NRG1: variants seen among roughly 807,000 people sequenced by gnomAD.
NRG1 encodes the protein neuregulin 1.
Under a neutral mutation model 63.8 loss-of-function variants are expected in NRG1, and 18 were observed. That is an observed-to-expected ratio of 0.28 (90% CI 0.19 to 0.42). NRG1 has a LOEUF of 0.42. Among genes scored for constraint, NRG1 ranks in the 10% least tolerant of loss-of-function variants. NRG1 has a pLI of 1.00. For missense variants in NRG1, 762 were observed against 814.7 expected (o/e 0.94, Z 0.79); for synonymous variants, 302 against 301.3 (o/e 1.00, Z -0.02).
intron 1 of NRG1, among the ~76,000 whole-genome samples, chr8:31,769,055 A>T (rs1818357666): frequency 6.6e-6 from 1 of 152,214 alleles, no homozygotes; most frequent in Non-Finnish European, 1.5e-5. Flanking sequence ...GCAGGAGAGA[A>T]CATGTACTCC....
At chr8:32,028,278 GA>G (rs1289149831) in intron 1 of NRG1, among the ~76,000 whole-genome samples, 1 of 152,094 alleles carries the variant, frequency 6.6e-6, no homozygotes, top group Non-Finnish European at 1.5e-5. Flanking sequence ...AACTTTAGGG[GA>G]CTAGGACTGT....
intron 2 of NRG1, among the ~76,000 whole-genome samples, chr8:32,605,165 T>C (rs1845056305): frequency 6.6e-6 from 1 of 152,200 alleles, no homozygotes; most frequent in Admixed American, 6.5e-5. Context: ...AGGAAATGAT[T>C]TTATACATTT....
At chr8:32,047,509 A>G (rs1821199130) in intron 1 of NRG1, among the ~76,000 whole-genome samples, 1 of 152,046 alleles carries the variant, frequency 6.6e-6, no homozygotes, top group African/African-American at 2.4e-5. Context: ...CAATTATACC[A>G]TGATGGATTA....
Position 32,117,128 on chromosome 8 carries a change from C to T in NRG1, c.37+477697C>T, listed in dbSNP as rs117266054. On this transcript the variant is annotated intron_variant, in intron 1 of 10. Transcript: ENST00000519301. ...TTGCACTCCAGCCTAGGCAACAGAG[C>T]GAGACACTGTCTCAAAAGACACACA... Among the ~76,000 whole-genome samples the T allele has an allele frequency of 3.9e-5, 6 of 151,956 alleles. No individual in the cohort carries two copies. The East Asian group carries it at 7.8e-4, about 20-fold the overall frequency.
intron 1 of NRG1, among the ~76,000 whole-genome samples, chr8:31,984,839 A>G (rs1809775971): frequency 6.6e-6 from 1 of 152,122 alleles, no homozygotes; most frequent in African/African-American, 2.4e-5. Flanking sequence ...AGCACATCAT[A>G]TGTTTATTTA....
chr8:32,644,595 T>C (rs1310399600), intron 5 of NRG1, among the ~76,000 whole-genome samples: 1 of 152,208 alleles, frequency 6.6e-6, no homozygotes, highest in Non-Finnish European at 1.5e-5. Context: ...TGTCTGCAGA[T>C]TAGTCTTAGC....
At chr8:32,322,862 G>GTTTT (rs5890637) in intron 1 of NRG1, among the ~76,000 whole-genome samples, 1 of 146,962 alleles carries the variant, frequency 6.8e-6, no homozygotes, top group South Asian at 2.1e-4. Context: ...AATTCTCTGG[G>GTTTT]TTTTTTTTTT....
At chr8:32,623,639 G>A (rs1434900943) in intron 5 of NRG1, among the ~76,000 whole-genome samples, 2 of 152,310 alleles carry the variant, frequency 1.3e-5, no homozygotes, top group Non-Finnish European at 2.9e-5. Flanking sequence ...GGATACTAGA[G>A]TGACTTGGTG....
At chr8:32,299,253 A>T in intron 1 of NRG1, among the ~76,000 whole-genome samples, 1 of 152,102 alleles carries the variant, frequency 6.6e-6, no homozygotes, top group East Asian at 1.9e-4. Context: ...TGTTTCCCTA[A>T]GAATTACCAA....
In NRG1 at chr8:32,156,092, T is replaced by G. The variant is rs554694638; in HGVS notation, c.38-439736T>G. ...CGATTCCAGAACAAAACTTACATGG[T>G]AGGCAGCTCCTGGCCCTTGACTGTG... On this transcript the variant is annotated intron_variant, in intron 1 of 10. Coordinates refer to the NRG1 transcript ENST00000519301. Among the ~76,000 whole-genome samples, 3 of 152,342 alleles carry G rather than the reference T, an allele frequency of 2.0e-5. No homozygotes were observed. In the South Asian group the frequency reaches 6.2e-4, roughly 32 times the overall value.
intron 1 of NRG1, among the ~76,000 whole-genome samples, chr8:31,860,041 A>T (rs930801034): frequency 6.6e-6 from 1 of 152,210 alleles, no homozygotes; most frequent in African/African-American, 2.4e-5. Flanking sequence ...CAAGACATGG[A>T]TAGTTACGTC....
intron 1 of NRG1, among the ~76,000 whole-genome samples, chr8:31,928,651 C>T (rs1022542011): frequency 1.1e-3 from 160 of 149,754 alleles, no homozygotes; most frequent in Non-Finnish European, 6.7e-4. Context: ...TATATATATA[C>T]ACACACACAC....
At chr8:31,795,226 G>T (rs1821089220) in intron 1 of NRG1, among the ~76,000 whole-genome samples, 1 of 152,166 alleles carries the variant, frequency 6.6e-6, no homozygotes, top group African/African-American at 2.4e-5. Context: ...TAAAAGATAA[G>T]ATTTCCTGGA....
intron 1 of NRG1, among the ~76,000 whole-genome samples, chr8:32,475,138 G>A (rs1379721410): frequency 6.6e-6 from 1 of 151,990 alleles, no homozygotes; most frequent in Admixed American, 6.6e-5. Context: ...CCCTTCTAAG[G>A]TCCCTGGACA....
Position 32,630,931 on chromosome 8 carries a change from A to G in NRG1, c.502+14046A>G, listed in dbSNP as rs543503204. ...TATAGCAATATATCAGTTGGAACAC[A>G]TGAAGAATAAGAAATTGTAGCATTT... On this transcript the variant is annotated intron_variant, in intron 5 of 11. Coordinates refer to ENST00000356819, the Ensembl canonical transcript of NRG1. 7.2e-5 allele frequency among the ~76,000 whole-genome samples: 11 copies of G among 152,284 alleles called. No individual in the cohort carries two copies. The East Asian group carries it at 7.7e-4, about 11-fold the overall frequency.
At chr8:31,644,792 T>TAG (rs1277942533) in intron 1 of NRG1, among the ~76,000 whole-genome samples, 1 of 152,096 alleles carries the variant, frequency 6.6e-6, no homozygotes, top group East Asian at 1.9e-4. Flanking sequence ...ATGAACTGCT[T>TAG]AGATATCCAA....
intron 1 of NRG1, among the ~76,000 whole-genome samples, chr8:31,713,367 C>T (rs928392732): frequency 1.3e-4 from 20 of 152,198 alleles, no homozygotes; most frequent in African/African-American, 4.1e-4. Flanking sequence ...CCGCCGGCCT[C>T]GGCCTCCCAA....
intron 1 of NRG1, among the ~76,000 whole-genome samples, chr8:32,240,343 C>A (rs1847974062): frequency 6.6e-6 from 1 of 152,090 alleles, no homozygotes; most frequent in African/African-American, 2.4e-5. Flanking sequence ...ATATAATATT[C>A]TTGAAATGAC....
chr8:32,331,868 A>C (rs1160861721), intron 1 of NRG1, among the ~76,000 whole-genome samples: 1 of 152,198 alleles, frequency 6.6e-6, no homozygotes, highest in Non-Finnish European at 1.5e-5. Context: ...AAATGTTTGC[A>C]TGCCATTAAT....
Sources: allele counts gnomAD v4.1 joint callset (sites outside exome capture counted in the v4.1 genomes callset), GRCh38; gene constraint gnomAD v4.1.1; transcripts MANE v1.5; gene names NCBI Gene and HGNC (gene_info 2026-07-23, HGNC 2026-07-21).